The following BAHCC1 variants were observed in gnomAD, a reference collection of about 807,000 sequenced individuals.
BAHCC1 encodes the protein BAH domain and coiled-coil containing 1.
A neutral mutation model predicts 88.2 loss-of-function variants in BAHCC1; 43 were observed. The observed-to-expected ratio is 0.49, with a 90% CI of 0.38 to 0.63. The LOEUF (loss-of-function observed/expected upper bound fraction) is 0.63. Among genes scored for constraint, BAHCC1 ranks in the 20% least tolerant of loss-of-function variants. BAHCC1 has a pLI of 0.00. For missense variants in BAHCC1, 3,023 were observed against 1,654.8 expected (o/e 1.83, Z -14.34); for synonymous variants, 1,510 against 745.5 (o/e 2.03, Z -16.71).
At chr17:81,433,831 G>C (rs2064300411) in intron 3 of BAHCC1, among the ~76,000 whole-genome samples, 5 of 152,232 alleles carry the variant, frequency 3.3e-5, no homozygotes, top group Admixed American at 3.3e-4. Flanking sequence ...TTCAGAATCT[G>C]TGTCAGCCCA....
intron 2 of BAHCC1, among the ~76,000 whole-genome samples, chr17:81,410,567 C>T (rs1251101167): frequency 6.6e-6 from 1 of 152,180 alleles, no homozygotes; most frequent in Non-Finnish European, 1.5e-5. Flanking sequence ...CAGATGTGGA[C>T]CTGCTCTGAG....
chr17:81,404,417 T>G (rs929160812), intron 2 of BAHCC1, among the ~76,000 whole-genome samples: 1 of 152,200 alleles, frequency 6.6e-6, no homozygotes, highest in African/African-American at 2.4e-5. Flanking sequence ...CGTTTGTCAC[T>G]TCTTGGCGAT....
rs201429848 is a variant in BAHCC1, at chr17:81,442,707, G to A, written c.1358G>A (p.Arg453Gln). Residue 453 changes from arginine (R) to glutamine (Q), a missense_variant, in exon 5 of 28, where the codon CGG becomes CAG. By Grantham distance (43) the Arg-to-Gln change is conservative. Transcript: ENST00000675386. Reference sequence around the variant, plus strand: ...AAGGCCGAGGGCAAGGGCGAGCGGCGGCCTGGGGGCTTTGAGGCGGCCCTC... The same window carrying A: ...AAGGCCGAGGGCAAGGGCGAGCGGCAGCCTGGGGGCTTTGAGGCGGCCCTC... ...HLKAEGKGERRPGGFEAALNP... is the reference protein window; with the variant it reads ...HLKAEGKGERQPGGFEAALNP... 22 of 774,914 alleles carry A rather than the reference G, an allele frequency of 2.8e-5. No homozygotes were observed. In the East Asian group the frequency reaches 3.9e-4, roughly 14 times the overall value. The allele number at this position is 774,914 out of a possible 1,614,324, so 48.0% of individuals were successfully genotyped here.
chr17:81,412,582 G>A (rs938581084), intron 2 of BAHCC1, among the ~76,000 whole-genome samples: 2 of 152,160 alleles, frequency 1.3e-5, no homozygotes, highest in Admixed American at 1.3e-4. Flanking sequence ...CCACGCTTCA[G>A]CCTGCGTTGC....
At position 81,434,287 on chromosome 17, in the gene BAHCC1, C is replaced by T. The variant is rs557784405; in HGVS notation, c.359-4083C>T. ...GCTCGGGGCCACGCCCAGCTGACTG[C>T]ATGACCCACTGCCCGCCCAGCCAGG... On this transcript the variant is annotated intron_variant, in intron 3 of 27. Coordinates refer to ENST00000675386, the MANE Select transcript of BAHCC1 (RefSeq NM_001377448.1). This position sits in a 1 kb window ranked among gnomAD's most constrained non-coding sequence, Gnocchi z 4.9. Among the ~76,000 whole-genome samples the T allele has an allele frequency of 3.7e-3, 571 of 152,310 alleles. 3 individuals carry two copies. The highest frequency in any genetic ancestry group is 0.013 in the African/African-American group (548 of 41,564).
chr17:81,403,246 C>T (rs67155885), intron 2 of BAHCC1, among the ~76,000 whole-genome samples: 40,116 of 152,136 alleles, frequency 0.26, 6,537 homozygotes, highest in Middle Eastern at 0.38. Context: ...TACGCCTCCC[C>T]TCTCCAGGGG....
chr17:81,428,663 G>A (rs941904190), intron 3 of BAHCC1, among the ~76,000 whole-genome samples: 13 of 152,316 alleles, frequency 8.5e-5, no homozygotes, highest in African/African-American at 2.2e-4. Flanking sequence ...CCCCCGTCCC[G>A]CCCCTCTGGG....
At chr17:81,396,399 G>C (rs1186522065) in intron 1 of BAHCC1, 2 of 152,188 alleles carry the variant, frequency 1.3e-5, no homozygotes, top group African/African-American at 4.8e-5. Context: ...CACGGCCCGT[G>C]TGGCGGGGTC....
chr17:81,418,738 C>T (rs1234502922), intron 2 of BAHCC1, among the ~76,000 whole-genome samples: 8 of 145,152 alleles, frequency 5.5e-5, no homozygotes, highest in East Asian at 2.0e-4. Context: ...TGCCAAGGTG[C>T]GCACACCCAC....
intron 10 of BAHCC1, 196 bp from the exon 11 acceptor site, chr17:81,446,840 A>G: frequency 3.0e-6 from 2 of 677,076 alleles, no homozygotes; most frequent in East Asian, 2.7e-5. Flanking sequence ...GGTGTGAGCT[A>G]CTGCACCCAG....
In BAHCC1 at chr17:81,399,919, T is replaced by C; in HGVS notation, c.178+2T>C. On this transcript the variant is annotated splice_donor_variant, in intron 2 of 27. Transcript: ENST00000675386. LOFTEE classifies it high-confidence loss of function. The surrounding 1 kb of genome is among the most constrained non-coding windows in gnomAD (Gnocchi z 4.5). Reference sequence around the variant, plus strand: ...CGTTGCCCATGGCTTCGCACACAGGTCAGTGCTCGGCCGGGGCGGGCGCGG... The same window carrying C: ...CGTTGCCCATGGCTTCGCACACAGGCCAGTGCTCGGCCGGGGCGGGCGCGG... 1.4e-6 allele frequency: 2 copies of C among 1,421,650 alleles called. No homozygotes were observed. Among genetic ancestry groups the C allele is most frequent in the Non-Finnish European group, 9.2e-7 (1 of 1,083,760 alleles). 88.1% of individuals were successfully genotyped at this position (1,421,650 alleles called of 1,614,324 possible).
At chr17:81,438,348 A>C (rs782518990) in intron 3 of BAHCC1, 22 bp from the exon 4 acceptor site, 1 of 778,066 alleles carries the variant, frequency 1.3e-6, no homozygotes. Flanking sequence ...TGCCTCTGCA[A>C]CTGGGTCTCT....
Position 81,461,448 on chromosome 17 carries a change from T to TC in BAHCC1, c.6791dup (p.Leu2265AlafsTer264). On this transcript the variant is annotated frameshift_variant, in exon 26 of 28. Coordinates refer to ENST00000675386, the MANE Select transcript of BAHCC1 (RefSeq NM_001377448.1). ...AAGGACAAGAAGGGGCGGGCACCCATCCCCCCGCTGCCCATGGGGCTGGCG... is the reference window on the plus strand; with the variant it reads ...AAGGACAAGAAGGGGCGGGCACCCATCCCCCCCGCTGCCCATGGGGCTGGCG... The TC allele has an allele frequency of 1.4e-6, 1 of 738,686 alleles. No homozygotes were observed. The highest frequency in any genetic ancestry group is 2.5e-6 in the Non-Finnish European group (1 of 398,652). 45.8% of individuals were successfully genotyped at this position (738,686 alleles called of 1,614,324 possible).
intron 11 of BAHCC1, chr17:81,451,278 G>A (rs2143581011): frequency 4.8e-6 from 1 of 208,160 alleles, no homozygotes; most frequent in South Asian, 1.1e-4. Context: ...TGTCTCTGAG[G>A]GCCCCAGAGT....
intron 2 of BAHCC1, among the ~76,000 whole-genome samples, chr17:81,403,947 C>T (rs150492264): frequency 0.012 from 1,856 of 152,358 alleles, 22 homozygotes; most frequent in Middle Eastern, 0.034. Flanking sequence ...GGAGCCGCCG[C>T]GCTTTCTGTA....
At chr17:81,441,232 C>T (rs913766779) in intron 4 of BAHCC1, among the ~76,000 whole-genome samples, 15 of 152,222 alleles carry the variant, frequency 9.9e-5, no homozygotes, top group South Asian at 2.1e-4. Flanking sequence ...AACTGCGGTT[C>T]GGGGAGGTGA....
intron 2 of BAHCC1, chr17:81,413,235 C>A: frequency 3.6e-6 from 1 of 276,392 alleles, no homozygotes; most frequent in Non-Finnish European, 7.3e-6. Flanking sequence ...GCGCTCGCTG[C>A]TGGCTGGGGG....
intron 5 of BAHCC1, 34 bp from the exon 6 acceptor site, chr17:81,443,775 A>G (rs1207096287): frequency 1.6e-5 from 11 of 704,416 alleles, no homozygotes; most frequent in Middle Eastern, 2.3e-4. Context: ...GGCCGCCCCA[A>G]CCCTCTCCCG....
chr17:81,460,228 G>C lies in BAHCC1; in HGVS notation c.5906-49G>C, dbSNP rs1442919079. On this transcript the variant is annotated intron_variant, in intron 23 of 27. Transcript: ENST00000675386. ...TTTGGCAGCCCCGCCTCCCTGTTTCGGGCGCCTACTGGGGGTTCCAGCTGC... is the reference window on the plus strand; with the variant it reads ...TTTGGCAGCCCCGCCTCCCTGTTTCCGGCGCCTACTGGGGGTTCCAGCTGC... The C allele has an allele frequency of 4.2e-6, 3 of 716,092 alleles. No individual in the cohort carries two copies. In the Admixed American group the frequency reaches 6.0e-5, roughly 14 times the overall value. 44.4% of individuals were successfully genotyped at this position (716,092 alleles called of 1,614,324 possible). A position where few individuals can be genotyped will look rare whatever the true frequency, so the allele number is the denominator to read the frequency against.
Sources: allele counts gnomAD v4.1 joint callset (sites outside exome capture counted in the v4.1 genomes callset), GRCh38; gene constraint gnomAD v4.1.1; non-coding constraint Gnocchi (gnomAD v3.1); transcripts MANE v1.5; gene names NCBI Gene and HGNC (gene_info 2026-07-23, HGNC 2026-07-21).